Variants in ROBO2 observed in about 807,000 individuals in gnomAD.
The protein encoded by ROBO2 is roundabout homolog 2.
Under a neutral mutation model 160.8 loss-of-function variants are expected in ROBO2, and 53 were observed. The ratio of observed to expected loss-of-function variants is 0.33; its 90% CI spans 0.26 to 0.41. The LOEUF is 0.41. ROBO2 is among the 10% of genes least tolerant of loss of function. ROBO2 has a pLI of 1.00. For synonymous variants in ROBO2, 664 were observed against 611.7 expected (o/e 1.09, Z -1.26); for missense variants, 1,577 against 1,722.4 (o/e 0.92, Z 1.49).
intron 2 of ROBO2, among the ~76,000 whole-genome samples, chr3:76,942,976 G>A (rs146655308): frequency 0.031 from 4,717 of 152,152 alleles, 103 homozygotes; most frequent in Middle Eastern, 0.11. Context: ...AGATTTATGC[G>A]TTTATTATTA....
chr3:76,073,590 A>G (rs1297236820), intron 2 of ROBO2, among the ~76,000 whole-genome samples: 1 of 151,954 alleles, frequency 6.6e-6, no homozygotes, highest in Admixed American at 6.6e-5. Flanking sequence ...CGCGCCCGGC[A>G]GAGTATTCTT....
chr3:77,485,659 T>G (rs2085265921), intron 4 of ROBO2, among the ~76,000 whole-genome samples: 1 of 152,150 alleles, frequency 6.6e-6, no homozygotes, highest in East Asian at 1.9e-4. Flanking sequence ...TTAAACCTCC[T>G]TGGTTTTTCT....
chr3:75,961,681 T>G (rs1948915735), intron 2 of ROBO2, among the ~76,000 whole-genome samples: 1 of 151,670 alleles, frequency 6.6e-6, no homozygotes, highest in Non-Finnish European at 1.5e-5. Context: ...ACTGATCCTC[T>G]AAATAGATTT....
chr3:77,168,369 A>G (rs1313729455), intron 2 of ROBO2, among the ~76,000 whole-genome samples: 2 of 152,200 alleles, frequency 1.3e-5, no homozygotes, highest in Non-Finnish European at 2.9e-5. Flanking sequence ...CTCTACTTTT[A>G]AGGAGTTATC....
chr3:77,602,069 T>C, intron 19 of ROBO2, 141 bp from the exon 21 acceptor site: 1 of 828,388 alleles, frequency 1.2e-6, no homozygotes, highest in Non-Finnish European at 2.0e-6. Context: ...GTATATCATC[T>C]ACCCTTCAGT....
intron 2 of ROBO2, among the ~76,000 whole-genome samples, chr3:76,005,973 C>G (rs921723736): frequency 1.3e-5 from 2 of 152,136 alleles, no homozygotes; most frequent in East Asian, 3.9e-4. Context: ...ACAAAAGACT[C>G]CCAGACTTAA....
chr3:77,407,724 G>C (rs939438841), intron 2 of ROBO2, among the ~76,000 whole-genome samples: 1 of 152,124 alleles, frequency 6.6e-6, no homozygotes, highest in Non-Finnish European at 1.5e-5. Context: ...TATGTTCGCA[G>C]TTTTAAAAAA....
chr3:76,559,216 A>G (rs138652186), intron 2 of ROBO2, among the ~76,000 whole-genome samples: 1 of 152,278 alleles, frequency 6.6e-6, no homozygotes, highest in East Asian at 1.9e-4. Context: ...TCAATAAACA[A>G]TGGTCACGTT....
At chr3:76,048,624 T>A (rs1378944459) in intron 2 of ROBO2, among the ~76,000 whole-genome samples, 1 of 152,062 alleles carries the variant, frequency 6.6e-6, no homozygotes, top group African/African-American at 2.4e-5. Flanking sequence ...AAAAAAACAA[T>A]ATGGAATTAT....
At chr3:77,516,051 GAAT>G (rs2089986409) in intron 5 of ROBO2, among the ~76,000 whole-genome samples, 1 of 151,406 alleles carries the variant, frequency 6.6e-6, no homozygotes, top group Admixed American at 6.6e-5. Flanking sequence ...CTTTTAATAT[GAAT>G]AATATTGGAT....
intron 2 of ROBO2, among the ~76,000 whole-genome samples, chr3:75,961,635 A>G (rs1948913580): frequency 6.6e-6 from 1 of 151,700 alleles, no homozygotes; most frequent in Non-Finnish European, 1.5e-5. Flanking sequence ...AAGAGAACAG[A>G]GCAGATAAGA....
In ROBO2 at chr3:77,527,057, G is replaced by A. The variant is rs117623956; in HGVS notation, c.934+4155G>A. On this transcript the variant is annotated intron_variant, in intron 6 of 25. Transcript: ENST00000461745. ...CATGACATTTGCTAGTCTGTGACTT[G>A]AATAGTTATATTCATCAGGTTTTTA... Among the ~76,000 whole-genome samples, 82 of 151,522 alleles carry A rather than the reference G, an allele frequency of 5.4e-4. 1 individual carries two copies. The East Asian group carries it at 0.012, about 23-fold the overall frequency.
At chr3:77,183,570 A>T (rs571033841) in intron 2 of ROBO2, among the ~76,000 whole-genome samples, 5 of 152,120 alleles carry the variant, frequency 3.3e-5, no homozygotes, top group Non-Finnish European at 7.4e-5. Flanking sequence ...CTTAGAAAGA[A>T]CCAACCCTGC....
intron 2 of ROBO2, among the ~76,000 whole-genome samples, chr3:76,075,234 A>G (rs993772174): frequency 1.3e-5 from 2 of 151,832 alleles, no homozygotes; most frequent in African/African-American, 4.8e-5. Context: ...ACTATCCACT[A>G]TACAGTAACT....
At chr3:76,630,977 A>T (rs2089994519) in intron 2 of ROBO2, among the ~76,000 whole-genome samples, 1 of 152,156 alleles carries the variant, frequency 6.6e-6, no homozygotes, top group African/African-American at 2.4e-5. Flanking sequence ...TAAAGTCAGA[A>T]AGTAACCATC....
At chr3:76,841,995 A>G (rs541133132) in intron 2 of ROBO2, among the ~76,000 whole-genome samples, 34 of 152,200 alleles carry the variant, frequency 2.2e-4, no homozygotes, top group Non-Finnish European at 3.8e-4. Flanking sequence ...ACAAGATGAC[A>G]TGAGCATTTG....
chr3:77,583,791 C>A (rs1022796340), intron 16 of ROBO2, among the ~76,000 whole-genome samples: 2 of 152,110 alleles, frequency 1.3e-5, no homozygotes, highest in African/African-American at 4.8e-5. Context: ...TCTTTTGAAG[C>A]ATGTTTGTGT....
chr3:76,733,110 A>T (rs2093661134), intron 2 of ROBO2, among the ~76,000 whole-genome samples: 1 of 152,180 alleles, frequency 6.6e-6, no homozygotes, highest in Non-Finnish European at 1.5e-5. Flanking sequence ...AGAGATATTC[A>T]CTGGCTTGGG....
chr3:76,366,127 C>T (rs2075799527), intron 2 of ROBO2, among the ~76,000 whole-genome samples: 1 of 151,944 alleles, frequency 6.6e-6, no homozygotes, highest in Non-Finnish European at 1.5e-5. Flanking sequence ...TTACTATTTC[C>T]TTAGTAGAGA....
Sources: allele counts gnomAD v4.1 joint callset (sites outside exome capture counted in the v4.1 genomes callset), GRCh38; gene constraint gnomAD v4.1.1; transcripts MANE v1.5; gene names NCBI Gene and HGNC (gene_info 2026-07-23, HGNC 2026-07-21).